PDE4D: variants seen among roughly 807,000 people sequenced by gnomAD.
PDE4D encodes phosphodiesterase 4D.
In PDE4D, 24 loss-of-function variants were observed where a neutral mutation model predicts 87.4. That is an observed-to-expected ratio of 0.27 (90% CI 0.20 to 0.39). The LOEUF (loss-of-function observed/expected upper bound fraction) is 0.39, where lower values mean the gene tolerates loss of function less well. PDE4D is among the 10% of genes least tolerant of loss of function. PDE4D has a pLI of 1.00. For synonymous variants in PDE4D, 384 were observed against 383.2 expected (o/e 1.00, Z -0.02); for missense variants, 714 against 1,041.0 (o/e 0.69, Z 4.32).
chr5:59,852,308 A>G (rs915176368), intron 1 of PDE4D, among the ~76,000 whole-genome samples: 1 of 152,080 alleles, frequency 6.6e-6, no homozygotes, highest in African/African-American at 2.4e-5. Flanking sequence ...TGTGAAAAAA[A>G]GGATACGTTG....
At position 59,839,650 on chromosome 5, in the gene PDE4D, G is replaced by A. The variant is rs554047647; in HGVS notation, c.455+53518C>T. ...TTAGACTGTACATTATTTTTCATATGGTGGAAGTGTAATGTGAATCATTCT... is the reference window on the plus strand; with the variant it reads ...TTAGACTGTACATTATTTTTCATATAGTGGAAGTGTAATGTGAATCATTCT... On this transcript the variant is annotated intron_variant, in intron 1 of 14. Transcript: ENST00000340635. Among the ~76,000 whole-genome samples, 52 of 152,066 alleles carry A rather than the reference G, an allele frequency of 3.4e-4. 1 individual carries two copies. The Middle Eastern group carries it at 0.01, about 30-fold the overall frequency.
chr5:60,496,881 T>A (rs984023015), intron 1 of PDE4D, among the ~76,000 whole-genome samples: 4 of 152,210 alleles, frequency 2.6e-5, no homozygotes, highest in African/African-American at 9.6e-5. Flanking sequence ...GATTGTTGTG[T>A]TTCATAACCT....
chr5:59,365,651 T>C (rs1782925237), intron 1 of PDE4D, among the ~76,000 whole-genome samples: 3 of 152,214 alleles, frequency 2.0e-5, no homozygotes, highest in Admixed American at 2.0e-4. Context: ...GAGATACATT[T>C]GTACAGAAGT....
intron 1 of PDE4D, among the ~76,000 whole-genome samples, chr5:60,474,880 C>G (rs894793171): frequency 1.3e-5 from 2 of 152,202 alleles, no homozygotes; most frequent in Non-Finnish European, 2.9e-5. Flanking sequence ...CCAGCAAGCT[C>G]TGTGCAGCTG....
At chr5:59,971,312 C>T (rs987406236) in intron 3 of PDE4D, among the ~76,000 whole-genome samples, 3 of 149,134 alleles carry the variant, frequency 2.0e-5, no homozygotes, top group Non-Finnish European at 3.0e-5. Flanking sequence ...ACATACGTAA[C>T]TAACCTGCAC....
At chr5:60,302,291 C>T (rs920029642) in intron 1 of PDE4D, among the ~76,000 whole-genome samples, 2 of 152,138 alleles carry the variant, frequency 1.3e-5, no homozygotes, top group Non-Finnish European at 2.9e-5. Flanking sequence ...GTTAATCCAT[C>T]TAGTCCAGGG....
intron 2 of PDE4D, among the ~76,000 whole-genome samples, chr5:60,115,531 T>A (rs1348695980): frequency 1.3e-5 from 2 of 152,190 alleles, no homozygotes; most frequent in African/African-American, 4.8e-5. Flanking sequence ...AAGAACTATA[T>A]GTTCACTATC....
At chr5:59,738,393 T>C (rs1290311734) in intron 1 of PDE4D, among the ~76,000 whole-genome samples, 2 of 152,140 alleles carry the variant, frequency 1.3e-5, no homozygotes, top group Non-Finnish European at 2.9e-5. Context: ...AGTGGTGTAA[T>C]ATTTATTATA....
intron 1 of PDE4D, among the ~76,000 whole-genome samples, chr5:59,834,476 A>G (rs1322736995): frequency 2.0e-5 from 3 of 152,064 alleles, no homozygotes; most frequent in Non-Finnish European, 2.9e-5. Flanking sequence ...GAACCATTTA[A>G]AATGGAATGA....
At chr5:59,259,721 A>G (rs1188113594) in intron 1 of PDE4D, among the ~76,000 whole-genome samples, 2 of 151,852 alleles carry the variant, frequency 1.3e-5, no homozygotes, top group African/African-American at 4.8e-5. Context: ...TTCATGTAGC[A>G]TTAATGTTCT....
chr5:60,399,984 A>G (rs1740906211), intron 1 of PDE4D, among the ~76,000 whole-genome samples: 1 of 152,244 alleles, frequency 6.6e-6, no homozygotes, highest in Admixed American at 6.5e-5. Flanking sequence ...AAAAGGACAC[A>G]TTTGTGCTCA....
At position 60,468,383 on chromosome 5, in the gene PDE4D, C is replaced by T. The variant is rs112561810; in HGVS notation, c.-90+19559G>A. On this transcript the variant is annotated intron_variant, in intron 1 of 16. Transcript: ENST00000502484. ...TGAACTCCTGAGTTCAAACAACCCA[C>T]CTGCCTCAGCATCCCAAAATGCAGG... 2.2e-3 allele frequency among the ~76,000 whole-genome samples: 328 copies of T among 152,158 alleles called. 2 individuals carry two copies. The highest frequency in any genetic ancestry group is 7.6e-3 in the African/African-American group (315 of 41,530).
chr5:59,085,869 G>A (rs559652077), intron 5 of PDE4D, among the ~76,000 whole-genome samples: 2 of 152,192 alleles, frequency 1.3e-5, no homozygotes, highest in African/African-American at 2.4e-5. Context: ...GAGGAAGTGG[G>A]GACTGAGTGA....
chr5:60,205,395 G>A (rs1256038227), intron 1 of PDE4D, among the ~76,000 whole-genome samples: 1 of 152,130 alleles, frequency 6.6e-6, no homozygotes, highest in East Asian at 1.9e-4. Context: ...GTCTCTACCA[G>A]TGGGACCTGC....
At chr5:60,185,787 T>C (rs1229060205) in intron 1 of PDE4D, 4 of 475,806 alleles carry the variant, frequency 8.4e-6, no homozygotes, top group African/African-American at 5.8e-5. Flanking sequence ...AAATAATTCA[T>C]CGGAACAGGC....
chr5:59,315,513 G>A (rs1288132236), intron 1 of PDE4D, among the ~76,000 whole-genome samples: 2 of 152,106 alleles, frequency 1.3e-5, no homozygotes, highest in Non-Finnish European at 2.9e-5. Context: ...GAGCAGGGCA[G>A]GATAGGGCCC....
intron 5 of PDE4D, among the ~76,000 whole-genome samples, chr5:59,126,210 A>C (rs1775382087): frequency 6.6e-6 from 1 of 152,178 alleles, no homozygotes; most frequent in Non-Finnish European, 1.5e-5. Context: ...TTCCATTTAT[A>C]AACCTCAGAC....
At chr5:59,412,202 GCAGT>G (rs2153621364) in intron 1 of PDE4D, among the ~76,000 whole-genome samples, 1 of 152,260 alleles carries the variant, frequency 6.6e-6, no homozygotes, top group East Asian at 1.9e-4. Flanking sequence ...TTGTACTAAT[GCAGT>G]CATCTTTTAC....
chr5:59,821,285 G>T lies in PDE4D; in HGVS notation c.455+71883C>A, dbSNP rs186539114. 2.6e-5 allele frequency among the ~76,000 whole-genome samples: 4 copies of T among 151,674 alleles called. 1 individual carries two copies. Among genetic ancestry groups the T allele is most frequent in the African/African-American group, 7.3e-5 (3 of 41,224 alleles). On this transcript the variant is annotated intron_variant, in intron 1 of 14. Coordinates refer to ENST00000340635, the MANE Select transcript of PDE4D (RefSeq NM_001104631.2). ...AACAACAACAACAACAAAAGAAAAA[G>T]AAATAGAAAATTAGGATTTCACAAA... is the stretch of plus-strand genomic sequence containing the variant.
Sources: gnomAD v4.1 joint callset for allele counts (sites outside exome capture counted in the v4.1 genomes callset) on GRCh38, gnomAD v4.1.1 for gene constraint, MANE v1.5 for transcripts, NCBI Gene and HGNC (gene_info 2026-07-23, HGNC 2026-07-21) for gene names.